ACSF2: variants seen among roughly 807,000 people sequenced by gnomAD.
ACSF2 encodes the protein medium-chain acyl-CoA ligase ACSF2, mitochondrial.
ACSF2 carries 52 observed loss-of-function variants against 79.3 expected under a neutral mutation model. The ratio of observed to expected loss-of-function variants is 0.66; its 90% CI spans 0.53 to 0.83. ACSF2 has a LOEUF of 0.83. Among genes scored for constraint, ACSF2 ranks in the 40% least tolerant of loss-of-function variants. ACSF2 has a pLI of 0.00. For missense variants in ACSF2, 661 were observed against 803.3 expected (o/e 0.82, Z 2.14); for synonymous variants, 283 against 312.6 (o/e 0.91, Z 1.00).
At chr17:50,458,144 A>T (rs998742966) in intron 1 of ACSF2, among the ~76,000 whole-genome samples, 3 of 152,116 alleles carry the variant, frequency 2.0e-5, no homozygotes, top group African/African-American at 7.2e-5. Flanking sequence ...CAAGGGAGGG[A>T]TCAGCCCATA....
chr17:50,439,325 T>A (rs1598396051), intron 1 of ACSF2, among the ~76,000 whole-genome samples: 1 of 151,364 alleles, frequency 6.6e-6, no homozygotes, highest in East Asian at 1.9e-4. Context: ...TCTTCCCACT[T>A]TGACCTCCCA....
chr17:50,459,500 C>T (rs1409646735), intron 1 of ACSF2, among the ~76,000 whole-genome samples: 2 of 152,218 alleles, frequency 1.3e-5, no homozygotes, highest in Non-Finnish European at 2.9e-5. Flanking sequence ...GCTGCAGCCT[C>T]CCAAAGTGCT....
chr17:50,463,308 G>T lies in ACSF2; in HGVS notation c.888+57G>T, dbSNP rs554849092. 7.6e-5 allele frequency: 122 copies of T among 1,610,880 alleles called. No individual in the cohort carries two copies. Among genetic ancestry groups the T allele is most frequent in the Non-Finnish European group, 9.3e-5 (109 of 1,178,026 alleles). On this transcript the variant is annotated intron_variant, in intron 7 of 15. Coordinates refer to ENST00000300441, the MANE Select transcript of ACSF2 (RefSeq NM_025149.6). This position sits in a 1 kb window ranked among gnomAD's most constrained non-coding sequence, Gnocchi z 4.6. Reference sequence around the variant, plus strand: ...CAGGAGGGGTGGCTCAGGCAGGGGTGGGGGGCTGGCTGGGCTCCCCTTGCC... The same window carrying T: ...CAGGAGGGGTGGCTCAGGCAGGGGTTGGGGGCTGGCTGGGCTCCCCTTGCC...
intron 1 of ACSF2, among the ~76,000 whole-genome samples, chr17:50,440,503 G>A (rs1240801353): frequency 1.3e-5 from 2 of 152,230 alleles, no homozygotes; most frequent in Non-Finnish European, 2.9e-5. Context: ...TGGCAGACCT[G>A]TTTGCCCAGG....
rs774307530 is a variant in ACSF2, at chr17:50,471,076, C to G, written c.1264C>G (p.Pro422Ala). 1.2e-6 allele frequency: 2 copies of G among 1,614,078 alleles called. No individual in the cohort carries two copies. Among genetic ancestry groups the G allele is most frequent in the Non-Finnish European group, 8.5e-7 (1 of 1,180,010 alleles). The stretch of plus-strand genomic sequence containing the variant: ...CAGTCCCGTGACATTCGCGCACTTC[C>G]CTGAGGACACTGTGGAGCAGAAGGC... ...ENSPVTFAHF[P>A]EDTVEQKAES... Residue 422 changes from proline to alanine, a missense_variant, in exon 11 of 16, where the codon CCT (proline) becomes GCT (alanine). Physicochemically the swap from Pro to Ala is conservative, Grantham distance 27. Transcript: ENST00000300441. This position sits in a 1 kb window ranked among gnomAD's most constrained non-coding sequence, Gnocchi z 4.1.
At chr17:50,462,773 CCCCG>C in intron 6 of ACSF2, 188 bp downstream of exon 6, 1 of 692,338 alleles carries the variant, frequency 1.4e-6, no homozygotes, top group Non-Finnish European at 2.4e-6. Flanking sequence ...TCCCCTAGCC[CCCCG>C]CCCTCTCCAC....
chr17:50,438,726 C>A (rs920871203), intron 1 of ACSF2, among the ~76,000 whole-genome samples: 12 of 151,996 alleles, frequency 7.9e-5, no homozygotes, highest in Non-Finnish European at 1.5e-5. Context: ...GCCACCACAC[C>A]TGGCTAATTT....
intron 10 of ACSF2, chr17:50,468,943 GCTC>G: frequency 7.1e-7 from 1 of 1,406,744 alleles, no homozygotes; most frequent in East Asian, 2.7e-5. Context: ...AGCCGAGCCA[GCTC>G]CTACGTGGAG....
chr17:50,440,649 A>C (rs2030826985), intron 1 of ACSF2, among the ~76,000 whole-genome samples: 1 of 152,192 alleles, frequency 6.6e-6, no homozygotes, highest in Non-Finnish European at 1.5e-5. Flanking sequence ...GCCAGCCCTG[A>C]GTGTCACAGA....
chr17:50,465,871 C>G, intron 10 of ACSF2: 1 of 1,613,604 alleles, frequency 6.2e-7, no homozygotes, highest in South Asian at 1.1e-5. Flanking sequence ...CATCTGAGAA[C>G]TGGGGAGCAA....
At chr17:50,473,397 A>T (rs1288325065) in intron 12 of ACSF2, 1 of 430,900 alleles carries the variant, frequency 2.3e-6, no homozygotes, top group Non-Finnish European at 4.2e-6. Context: ...ATTTGAGCTG[A>T]GACCTGGAAA....
chr17:50,474,785 A>C lies in ACSF2; in HGVS notation c.*233A>C. ...GCCCTCCCTCCTGTCCATCCCCCAC[A>C]TTCCCCTGTCTGTCCTTGTGATTTG... On this transcript the variant is annotated 3_prime_UTR_variant, in exon 16 of 16. Coordinates refer to ENST00000300441, the MANE Select transcript of ACSF2 (RefSeq NM_025149.6). The surrounding 1 kb of genome is among the most constrained non-coding windows in gnomAD (Gnocchi z 4.2). 1.8e-6 allele frequency: 1 copy of C among 551,478 alleles called. No homozygotes were observed. 34.2% of individuals were successfully genotyped at this position (551,478 alleles called of 1,614,324 possible).
At position 50,463,790 on chromosome 17, in the gene ACSF2, C is replaced by G. The variant is rs779720563; in HGVS notation, c.1047-28C>G. 2.5e-6 allele frequency: 4 copies of G among 1,604,570 alleles called. No homozygotes were observed. In the Admixed American group the frequency reaches 6.7e-5, roughly 27 times the overall value. On this transcript the variant is annotated intron_variant, in intron 8 of 15. Transcript: ENST00000300441. The surrounding 1 kb of genome is among the most constrained non-coding windows in gnomAD (Gnocchi z 4.6). ...CAGGGAGTTCCCTTCCACTTCCAAG[C>G]CTAATTTCGAGACCTCCTCCTATAC...
intron 4 of ACSF2, 48 bp from the exon 5 acceptor site, chr17:50,462,136 A>T: frequency 6.5e-7 from 1 of 1,539,920 alleles, no homozygotes; most frequent in Non-Finnish European, 9.0e-7. Context: ...CCAGAGCTCT[A>T]GTCTGGGGCT....
chr17:50,463,028 ACT>A lies in ACSF2; in HGVS notation c.793-127_793-126del. The A allele has an allele frequency of 1.3e-6, 1 of 779,102 alleles. No individual in the cohort carries two copies. The highest frequency in any genetic ancestry group is 1.7e-5 in the South Asian group (1 of 60,308). 48.3% of individuals were successfully genotyped at this position (779,102 alleles called of 1,614,324 possible). A position where few individuals can be genotyped will look rare whatever the true frequency, so the allele number is the denominator to read the frequency against. On this transcript the variant is annotated intron_variant, in intron 6 of 15. Coordinates refer to ENST00000300441, the MANE Select transcript of ACSF2 (RefSeq NM_025149.6). The surrounding 1 kb of genome is among the most constrained non-coding windows in gnomAD (Gnocchi z 4.6). ...ATCGTGGTAGACCTTTTGCAAATAT[ACT>A]GAACAGATGGATCTGGGGCAACAAT...
chr17:50,438,034 CT>C (rs1307183273), intron 1 of ACSF2, among the ~76,000 whole-genome samples: 1 of 152,144 alleles, frequency 6.6e-6, no homozygotes, highest in Non-Finnish European at 1.5e-5. Flanking sequence ...ACATTTTATA[CT>C]TTTAGCATGT....
chr17:50,464,589 C>A (rs772073697), intron 10 of ACSF2: 15 of 564,544 alleles, frequency 2.7e-5, no homozygotes, highest in Non-Finnish European at 5.0e-5. Flanking sequence ...CCTGCTAGAA[C>A]GTCCTGGCAG....
At chr17:50,468,675 G>A (rs2032917433) in intron 10 of ACSF2, 1 of 1,613,922 alleles carries the variant, frequency 6.2e-7, no homozygotes, top group African/African-American at 1.3e-5. Flanking sequence ...GACACCTTGG[G>A]GATCTTCTGC....
intron 1 of ACSF2, among the ~76,000 whole-genome samples, chr17:50,455,062 A>C (rs2031910746): frequency 1.3e-5 from 2 of 152,202 alleles, no homozygotes; most frequent in African/African-American, 4.8e-5. Context: ...GGCTCACTGC[A>C]ACCTCCGCCT....
Sources: allele counts gnomAD v4.1 joint callset (sites outside exome capture counted in the v4.1 genomes callset), GRCh38; gene constraint gnomAD v4.1.1; non-coding constraint Gnocchi (gnomAD v3.1); transcripts MANE v1.5; gene names NCBI Gene and HGNC (gene_info 2026-07-23, HGNC 2026-07-21).